Variants in ANKK1 observed in about 807,000 individuals in gnomAD.
ANKK1 encodes ankyrin repeat and kinase domain containing 1, also known as ankyrin repeat and protein kinase domain-containing protein 1.
A neutral mutation model predicts 37.6 loss-of-function variants in ANKK1; 37 were observed. The observed-to-expected ratio is 0.98, with a 90% CI of 0.76 to 1.29. ANKK1 has a LOEUF of 1.29. ANKK1 is among the 50% of genes most tolerant of loss of function. The probability of loss-of-function intolerance (pLI) is 0.00; values close to 1 mark genes in which losing one functional copy is unlikely to be tolerated. For missense variants in ANKK1, 1,019 were observed against 990.6 expected, an observed-to-expected ratio of 1.03 and a Z score of -0.39; for synonymous variants, 415 against 418.7, an observed-to-expected ratio of 0.99 and a Z score of 0.11.
intron 2 of ANKK1, 145 bp from the exon 3 acceptor site, chr11:113,394,784 T>C: frequency 8.9e-7 from 1 of 1,125,242 alleles, no homozygotes; most frequent in African/African-American, 1.5e-5. Flanking sequence ...ATCCAGATAG[T>C]AAGTGGTAGT....
chr11:113,397,555 C>T lies in ANKK1; in HGVS notation c.957+213C>T, dbSNP rs544904141. ...AGGGCCCCTGGGAAGGATATACCTT[C>T]TCTCTCATGTTTGGGACCAAACTGA... On this transcript the variant is annotated intron_variant, in intron 6 of 7. Transcript: ENST00000303941. 4.6e-5 allele frequency among the ~76,000 whole-genome samples: 7 copies of T among 152,360 alleles called. No homozygotes were observed. The East Asian group carries it at 1.4e-3, about 29-fold the overall frequency.
Position 113,399,498 on chromosome 11 carries a change from T to C in ANKK1, c.1529T>C (p.Val510Ala), listed in dbSNP as rs1246517103. ...GCCTACTTTGGCCATGTTAGCCTGG[T>C]CAAGCTGCTGACCAGCCAGGGGGCT... ...VAAYFGHVSL[V>A]KLLTSQGAEL... The change falls in exon 8 of 8, where the codon GTC (valine) becomes GCC (alanine). Residue 510 changes from valine to alanine, a missense_variant. Physicochemically the swap from Val to Ala is moderately conservative, Grantham distance 64. Transcript: ENST00000303941. 51 of 1,592,356 alleles carry C rather than the reference T, an allele frequency of 3.2e-5. No individual in the cohort carries two copies. Among genetic ancestry groups the C allele is most frequent in the Non-Finnish European group, 4.2e-5 (49 of 1,169,982 alleles).
chr11:113,395,523 G>T, intron 4 of ANKK1, 115 bp downstream of exon 4: 1 of 1,114,402 alleles, frequency 9.0e-7, no homozygotes. Flanking sequence ...GGTTTGTGTG[G>T]AACTGTATTC....
At chr11:113,388,214 C>G in intron 1 of ANKK1, 145 bp downstream of exon 1, 2 of 1,125,696 alleles carry the variant, frequency 1.8e-6, no homozygotes, top group East Asian at 5.6e-5. Flanking sequence ...CACCCAGTAG[C>G]CTGAGCCTCC....
chr11:113,399,363 T>C lies in ANKK1; in HGVS notation c.1394T>C (p.Leu465Pro), dbSNP rs1374550224. The C allele has an allele frequency of 1.2e-6, 2 of 1,600,902 alleles. No individual in the cohort carries two copies. Among genetic ancestry groups the C allele is most frequent in the South Asian group, 2.3e-5 (2 of 88,236 alleles). The stretch of plus-strand genomic sequence containing the variant: ...CAGGAACGTGAAGGGTGGACCCCTC[T>C]TCACCTGGCTGCACAGAATAACTTT... ...DAQEREGWTP[L>P]HLAAQNNFEN... Residue 465 changes from leucine (L) to proline (P), a missense_variant, in exon 8 of 8, where the codon CTT (leucine) becomes CCT (proline). Physicochemically the swap from Leu to Pro is moderately conservative, Grantham distance 98 (BLOSUM62 -3). Transcript: ENST00000303941.
rs755664137 is a variant in ANKK1, at chr11:113,399,345, G to A, written c.1376G>A (p.Arg459His). 1.9e-5 allele frequency: 31 copies of A among 1,600,202 alleles called. No individual in the cohort carries two copies. The highest frequency in any genetic ancestry group is 1.1e-4 in the African/African-American group (8 of 74,656). Residue 459 changes from arginine (R) to histidine (H), a missense_variant, in exon 8 of 8, where the codon CGT becomes CAT. By Grantham distance (29) the Arg-to-His change is conservative. Transcript: ENST00000303941. ...GGGGCCTGTGTGGATGCCCAGGAACGTGAAGGGTGGACCCCTCTTCACCTG... is the reference window on the plus strand; with the variant it reads ...GGGGCCTGTGTGGATGCCCAGGAACATGAAGGGTGGACCCCTCTTCACCTG... ...DHGACVDAQE[R>H]EGWTPLHLAA...
rs1388451086 is a variant in ANKK1 at position 113,396,225 on chromosome 11, G to T, written c.838+3G>T. 7 of 1,613,630 alleles carry T rather than the reference G, an allele frequency of 4.3e-6. No homozygotes were observed. Among genetic ancestry groups the T allele is most frequent in the Non-Finnish European group, 5.9e-6 (7 of 1,179,660 alleles). Reference sequence around the variant, plus strand: ...CAAGAAGAGGCCATGCTTTCTAGGTGCTTATCCAGTGCCCCCTACCCAGGG... The same window carrying T: ...CAAGAAGAGGCCATGCTTTCTAGGTTCTTATCCAGTGCCCCCTACCCAGGG... On this transcript the variant is annotated splice_donor_region_variant and intron_variant, in intron 5 of 7. Coordinates refer to ENST00000303941, the MANE Select transcript of ANKK1 (RefSeq NM_178510.2).
intron 1 of ANKK1, among the ~76,000 whole-genome samples, chr11:113,393,207 G>A (rs1416524589): frequency 6.6e-6 from 1 of 152,200 alleles, no homozygotes; most frequent in African/African-American, 2.4e-5. Flanking sequence ...AGGGCAAACT[G>A]TGATACCTGC....
intron 4 of ANKK1, 148 bp downstream of exon 4, chr11:113,395,556 C>T: frequency 1.2e-6 from 1 of 833,098 alleles, no homozygotes; most frequent in Non-Finnish European, 1.9e-6. Flanking sequence ...CCTCTCCTCA[C>T]CCTCCTTCCT....
intron 4 of ANKK1, among the ~76,000 whole-genome samples, 183 bp from the exon 5 acceptor site, chr11:113,395,884 A>G (rs571311306): frequency 6.6e-6 from 1 of 152,342 alleles, no homozygotes; most frequent in Non-Finnish European, 1.5e-5. Context: ...CAGACCAGAG[A>G]GACTTGGCTG....
At chr11:113,391,174 T>C (rs1267749636) in intron 1 of ANKK1, among the ~76,000 whole-genome samples, 1 of 152,012 alleles carries the variant, frequency 6.6e-6, no homozygotes, top group Non-Finnish European at 1.5e-5. Flanking sequence ...GGTGCAAAGG[T>C]CCTGAGGTGG....
chr11:113,392,960 G>T (rs774919977), intron 1 of ANKK1, among the ~76,000 whole-genome samples: 6 of 152,126 alleles, frequency 3.9e-5, no homozygotes, highest in Non-Finnish European at 8.8e-5. Context: ...GATAGTAAAA[G>T]GATATACTAA....
At chr11:113,398,651 G>A (rs1039859998) in intron 7 of ANKK1, among the ~76,000 whole-genome samples, 2 of 152,110 alleles carry the variant, frequency 1.3e-5, no homozygotes, top group African/African-American at 2.4e-5. Context: ...AGCTCAAAGA[G>A]GCAGTGAATT....
intron 1 of ANKK1, among the ~76,000 whole-genome samples, chr11:113,391,586 G>A (rs1950587806): frequency 6.6e-6 from 1 of 152,226 alleles, no homozygotes; most frequent in African/African-American, 2.4e-5. Context: ...TGGGAAGTGA[G>A]AGGAAGAAAG....
chr11:113,396,438 C>G (rs1433598905), intron 5 of ANKK1, among the ~76,000 whole-genome samples: 1 of 151,060 alleles, frequency 6.6e-6, no homozygotes, highest in African/African-American at 2.4e-5. Flanking sequence ...CTCCTGGGCT[C>G]AAGATATCCT....
intron 2 of ANKK1, among the ~76,000 whole-genome samples, chr11:113,394,185 G>C (rs1950616944): frequency 6.6e-6 from 1 of 152,042 alleles, no homozygotes; most frequent in South Asian, 2.1e-4. Context: ...TATTTACCTA[G>C]CGAAGGTCTA....
In ANKK1 at chr11:113,388,037, G is replaced by C; in HGVS notation, c.153G>C (p.Lys51Asn). The C allele has an allele frequency of 1.3e-6, 2 of 1,537,986 alleles. No homozygotes were observed. Among genetic ancestry groups the C allele is most frequent in the Non-Finnish European group, 1.8e-6 (2 of 1,141,392 alleles). ...HRRWRTEYAI[K>N]CAPCLPPDAA... ...GCTGGCGGACGGAGTACGCCATCAAGTGCGCCCCCTGCCTTCCACCCGACG... is the reference window on the plus strand; with the variant it reads ...GCTGGCGGACGGAGTACGCCATCAACTGCGCCCCCTGCCTTCCACCCGACG... The change falls in exon 1 of 8, where the codon AAG becomes AAC. Residue 51 changes from lysine to asparagine, a missense_variant. Lys to Asn is a moderately conservative substitution (Grantham distance 94). Coordinates refer to ENST00000303941, the MANE Select transcript of ANKK1 (RefSeq NM_178510.2).
chr11:113,390,805 A>G (rs889795460), intron 1 of ANKK1, among the ~76,000 whole-genome samples: 1 of 152,202 alleles, frequency 6.6e-6, no homozygotes, highest in African/African-American at 2.4e-5. Context: ...CTACGTGAAA[A>G]AAACAAAGTC....
chr11:113,399,064 C>T lies in ANKK1; in HGVS notation c.1095C>T (p.Pro365=). 1.2e-6 allele frequency: 2 copies of T among 1,603,008 alleles called. No homozygotes were observed. Among genetic ancestry groups the T allele is most frequent in the Non-Finnish European group, 1.7e-6 (2 of 1,174,838 alleles). ...ELCIYENKVT[P]LHFLVAQGSV... Reference sequence around the variant, plus strand: ...GTATCTATGAGAACAAGGTCACCCCCCTCCACTTCCTGGTGGCCCAGGGCA... The same window carrying T: ...GTATCTATGAGAACAAGGTCACCCCTCTCCACTTCCTGGTGGCCCAGGGCA... The change falls in exon 8 of 8, where the codon CCC becomes CCT. Residue 365 remains proline (P), a synonymous_variant. Transcript: ENST00000303941.
Sources: allele counts gnomAD v4.1 joint callset (sites outside exome capture counted in the v4.1 genomes callset), GRCh38; gene constraint gnomAD v4.1.1; transcripts MANE v1.5; gene names NCBI Gene and HGNC (gene_info 2026-07-23, HGNC 2026-07-21).